The following PCDH17 variants were observed in gnomAD, a reference collection of about 807,000 sequenced individuals.
PCDH17 encodes protocadherin-17.
PCDH17 carries 21 observed loss-of-function variants against 67.7 expected under a neutral mutation model. That is an observed-to-expected ratio of 0.31 (90% CI 0.22 to 0.45). The LOEUF (loss-of-function observed/expected upper bound fraction) is 0.45. Among genes scored for constraint, PCDH17 ranks in the 20% least tolerant of loss-of-function variants. The pLI is 1.00. For missense variants in PCDH17, 1,471 were observed against 1,564.8 expected (o/e 0.94, Z 1.01); for synonymous variants, 701 against 656.7 (o/e 1.07, Z -1.03).
intron 1 of PCDH17, among the ~76,000 whole-genome samples, chr13:57,665,096 C>T (rs771405096): frequency 1.0e-3 from 156 of 152,162 alleles, no homozygotes; most frequent in Non-Finnish European, 1.7e-3. Flanking sequence ...TTTTCCAATG[C>T]TTCACTTCAT....
intron 3 of PCDH17, among the ~76,000 whole-genome samples, chr13:57,676,540 T>C (rs530258237): frequency 2.6e-5 from 4 of 151,980 alleles, no homozygotes; most frequent in African/African-American, 9.6e-5. Context: ...TTGCAAGTTA[T>C]TGGCATAGAA....
intron 3 of PCDH17, among the ~76,000 whole-genome samples, chr13:57,711,991 C>T (rs1471422052): frequency 1.3e-5 from 2 of 151,262 alleles, no homozygotes; most frequent in African/African-American, 2.4e-5. Flanking sequence ...AACAACTATA[C>T]TCAATAAGAA....
At chr13:57,680,879 T>C (rs1236158936) in intron 3 of PCDH17, among the ~76,000 whole-genome samples, 1 of 151,802 alleles carries the variant, frequency 6.6e-6, no homozygotes, top group Non-Finnish European at 1.5e-5. Flanking sequence ...GCAGAGCTGA[T>C]ACTTCTATGT....
chr13:57,636,283 G>T (rs1310303260), intron 1 of PCDH17, among the ~76,000 whole-genome samples: 2 of 152,130 alleles, frequency 1.3e-5, no homozygotes, highest in Admixed American at 1.3e-4. Context: ...TTAACTGAAA[G>T]TGACACCGCA....
chr13:57,643,384 T>A (rs1022629938), intron 1 of PCDH17, among the ~76,000 whole-genome samples: 1 of 151,706 alleles, frequency 6.6e-6, no homozygotes, highest in Admixed American at 6.6e-5. Context: ...CAAACTTGAA[T>A]AAGTGCTTAA....
In PCDH17 at chr13:57,713,273, A is replaced by G. The variant is rs574467541; in HGVS notation, c.2798-11339A>G. ...AACCTATTACAAGAAACATTTCTGT[A>G]TATTTACTTTAGAACACGGATATTG... On this transcript the variant is annotated intron_variant, in intron 3 of 3. Transcript: ENST00000377918. Among the ~76,000 whole-genome samples, 3 of 151,848 alleles carry G rather than the reference A, an allele frequency of 2.0e-5. No individual in the cohort carries two copies. In the South Asian group the frequency reaches 6.2e-4, roughly 31 times the overall value.
intron 3 of PCDH17, among the ~76,000 whole-genome samples, chr13:57,708,992 CA>C (rs1425875251): frequency 1.3e-5 from 2 of 150,754 alleles, no homozygotes; most frequent in East Asian, 3.9e-4. Context: ...TCATAAAAAG[CA>C]AAACAAAAAC....
chr13:57,677,574 C>A (rs921634412), intron 3 of PCDH17, among the ~76,000 whole-genome samples: 1 of 151,664 alleles, frequency 6.6e-6, no homozygotes, highest in African/African-American at 2.4e-5. Flanking sequence ...TCAGTAAGAA[C>A]GGGAAAGCCA....
At chr13:57,721,421 T>G (rs1955870673) in intron 3 of PCDH17, among the ~76,000 whole-genome samples, 1 of 152,186 alleles carries the variant, frequency 6.6e-6, no homozygotes, top group African/African-American at 2.4e-5. Context: ...AATTTGCTTT[T>G]TTTTTCATTT....
chr13:57,635,452 G>A (rs1329522303), intron 1 of PCDH17, among the ~76,000 whole-genome samples: 2 of 151,960 alleles, frequency 1.3e-5, no homozygotes, highest in Non-Finnish European at 2.9e-5. Context: ...GGAATTCCCA[G>A]AGCAGAAAAA....
chr13:57,650,486 C>G (rs1478037092), intron 1 of PCDH17, among the ~76,000 whole-genome samples: 1 of 152,008 alleles, frequency 6.6e-6, no homozygotes, highest in Non-Finnish European at 1.5e-5. Flanking sequence ...AGTTTCCCTA[C>G]AAAAAGATAC....
At chr13:57,671,007 G>T (rs559763317) in intron 3 of PCDH17, among the ~76,000 whole-genome samples, 13 of 151,896 alleles carry the variant, frequency 8.6e-5, no homozygotes, top group African/African-American at 2.4e-4. Flanking sequence ...GTAGAAAGAG[G>T]TTATTTTTTC....
At chr13:57,630,631 G>A (rs1024713089), upstream of PCDH17, among the ~76,000 whole-genome samples, 2 of 152,132 alleles carry the variant, frequency 1.3e-5, no homozygotes, top group African/African-American at 4.8e-5. Context: ...CCAGAACCTC[G>A]GACTCCGGCA....
intron 3 of PCDH17, among the ~76,000 whole-genome samples, chr13:57,688,082 C>T (rs765843749): frequency 5.9e-5 from 9 of 151,950 alleles, no homozygotes; most frequent in Non-Finnish European, 1.3e-4. Context: ...CTCCTACCCC[C>T]CCACCCCATT....
chr13:57,653,134 G>T (rs1295998051), intron 1 of PCDH17, among the ~76,000 whole-genome samples: 1 of 151,988 alleles, frequency 6.6e-6, no homozygotes, highest in Non-Finnish European at 1.5e-5. Context: ...TTTAATCTCA[G>T]ATTTAATGTT....
chr13:57,681,060 T>A (rs1955444351), intron 3 of PCDH17, among the ~76,000 whole-genome samples: 1 of 151,722 alleles, frequency 6.6e-6, no homozygotes. Context: ...TTTAAACACA[T>A]CTCTCCTCAA....
intron 1 of PCDH17, among the ~76,000 whole-genome samples, chr13:57,641,587 A>AAAAAAAAAT (rs1954902994): frequency 4.9e-5 from 1 of 20,580 alleles, no homozygotes; most frequent in Non-Finnish European, 9.6e-5. Context: ...AAAAAAAAAA[A>AAAAAAAAAT]ATATATATAT....
At chr13:57,692,960 A>T (rs1163602547) in intron 3 of PCDH17, among the ~76,000 whole-genome samples, 2 of 151,044 alleles carry the variant, frequency 1.3e-5, no homozygotes, top group African/African-American at 4.8e-5. Context: ...TCACAAATAC[A>T]TAGATATAAG....
intron 3 of PCDH17, 116 bp downstream of exon 3, chr13:57,666,949 G>C: frequency 1.3e-6 from 1 of 761,022 alleles, no homozygotes. Context: ...ATATATCAAA[G>C]AAACAGCAAA....
Sources: allele counts gnomAD v4.1 joint callset (sites outside exome capture counted in the v4.1 genomes callset), GRCh38; gene constraint gnomAD v4.1.1; transcripts MANE v1.5; gene names NCBI Gene and HGNC (gene_info 2026-07-23, HGNC 2026-07-21).